Variants in USP16 observed in about 807,000 individuals in gnomAD.
USP16 encodes ubiquitin carboxyl-terminal hydrolase 16.
A neutral mutation model predicts 95.9 loss-of-function variants in USP16; 77 were observed. The ratio of observed to expected loss-of-function variants is 0.80; its 90% CI spans 0.67 to 0.97. USP16 has a LOEUF of 0.97. Among genes scored for constraint, USP16 ranks in the 50% least tolerant of loss-of-function variants. The pLI is 0.00. For missense variants in USP16, 943 were observed against 959.9 expected (o/e 0.98, Z 0.23); for synonymous variants, 303 against 318.2 (o/e 0.95, Z 0.51).
chr21:29,053,506 A>G (rs1288603922), intron 16 of USP16: 1 of 284,200 alleles, frequency 3.5e-6, no homozygotes, highest in Non-Finnish European at 6.6e-6. Flanking sequence ...AATTATCCTC[A>G]GGCTCCTAAA....
chr21:29,041,694 A>C (rs1353770441), intron 10 of USP16, among the ~76,000 whole-genome samples: 1 of 152,154 alleles, frequency 6.6e-6, no homozygotes, highest in African/African-American at 2.4e-5. Flanking sequence ...TTCATTTTAT[A>C]CTAATGGAGA....
In USP16 at chr21:29,053,876, G is replaced by A. The variant is rs749015487; in HGVS notation, c.2268G>A (p.Ser756=). ...GVVEHSGTMR[S]GHYTAYAKAR... ...TTGAACACAGTGGTACTATGAGGTC[G>A]GGGCATTACACTGCCTATGCCAAGG... The change falls in exon 17 of 18, where the codon TCG becomes TCA. Residue 756 remains serine (S), a synonymous_variant. Coordinates refer to ENST00000399976, the MANE Select transcript of USP16 (RefSeq NM_006447.3). The A allele has an allele frequency of 6.2e-6, 10 of 1,614,020 alleles. No homozygotes were observed. The highest frequency in any genetic ancestry group is 7.6e-6 in the Non-Finnish European group (9 of 1,180,026).
intron 6 of USP16, 22 bp from the exon 7 acceptor site, chr21:29,038,313 T>A (rs750088290): frequency 6.5e-7 from 1 of 1,542,030 alleles, no homozygotes; most frequent in Middle Eastern, 1.7e-4. Flanking sequence ...TTTTTCTCTT[T>A]TTTTTTCACC....
At chr21:29,026,411 G>A (rs1278470475) in intron 1 of USP16, among the ~76,000 whole-genome samples, 1 of 148,428 alleles carries the variant, frequency 6.7e-6, no homozygotes, top group South Asian at 2.1e-4. Context: ...AGCCGAGATC[G>A]GGCCACTGCA....
At position 29,035,014 on chromosome 21, in the gene USP16, T is replaced by G. The variant is rs62222370; in HGVS notation, c.344+74T>G. 54,114 of 1,415,102 alleles carry G rather than the reference T, an allele frequency of 0.038. 1,194 individuals carry two copies. The highest frequency in any genetic ancestry group is 0.087 in the Middle Eastern group (475 of 5,476). 87.7% of individuals were successfully genotyped at this position (1,415,102 alleles called of 1,614,324 possible). A position where few individuals can be genotyped will look rare whatever the true frequency, so the allele number is the denominator to read the frequency against. On this transcript the variant is annotated intron_variant, in intron 4 of 17. Coordinates refer to ENST00000399976, the MANE Select transcript of USP16 (RefSeq NM_006447.3). ...AGAGAATGGAAATGTTTAAATATGT[T>G]TAAGAAGAAAGCAATTTAAAATTTT...
At position 29,045,578 on chromosome 21, in the gene USP16, C is replaced by T. The variant is rs76722839; in HGVS notation, c.1357-1089C>T. Among the ~76,000 whole-genome samples the T allele has an allele frequency of 7.3e-3, 1,089 of 148,972 alleles. 12 individuals carry two copies. Among genetic ancestry groups the T allele is most frequent in the African/African-American group, 0.025 (1,028 of 40,522 alleles). ...TCTTTCAGTTTGTTTTTTTTTTTCT[C>T]TCAGTGAAACCTTGACCCAGTAACT... On this transcript the variant is annotated intron_variant, in intron 13 of 17. Coordinates refer to ENST00000399976, the MANE Select transcript of USP16 (RefSeq NM_006447.3).
intron 13 of USP16, among the ~76,000 whole-genome samples, chr21:29,045,918 G>C (rs1246541824): frequency 6.6e-6 from 1 of 152,050 alleles, no homozygotes; most frequent in African/African-American, 2.4e-5. Flanking sequence ...CTATTTTCCT[G>C]CCTCAGCCTC....
intron 10 of USP16, among the ~76,000 whole-genome samples, chr21:29,041,766 T>C (rs956031548): frequency 6.6e-6 from 1 of 152,180 alleles, no homozygotes; most frequent in East Asian, 1.9e-4. Context: ...GACTAGATCT[T>C]GGATAAGGAC....
chr21:29,029,440 C>T (rs2085046579), intron 2 of USP16, among the ~76,000 whole-genome samples: 1 of 152,076 alleles, frequency 6.6e-6, no homozygotes, highest in African/African-American at 2.4e-5. Flanking sequence ...AAAAGGGTAC[C>T]TTCTTTTTCT....
At chr21:29,036,450 C>A in intron 5 of USP16, 76 bp downstream of exon 5, 1 of 1,314,136 alleles carries the variant, frequency 7.6e-7, no homozygotes, top group Non-Finnish European at 1.1e-6. Context: ...TGTTATACTA[C>A]CTAGCATTAC....
chr21:29,039,565 C>G lies in USP16; in HGVS notation c.948C>G (p.His316Gln). 1 of 1,612,172 alleles carries G rather than the reference C, an allele frequency of 6.2e-7. No individual in the cohort carries two copies. Among genetic ancestry groups the G allele is most frequent in the African/African-American group, 1.3e-5 (1 of 74,988 alleles). The change falls in exon 9 of 18, where the codon CAC (histidine) becomes CAG (glutamine). Residue 316 changes from histidine (H) to glutamine (Q), a missense_variant. Transcript: ENST00000399976. Reference protein sequence around the residue: ...YLLDGMRAEEHQRVSKGILKA... With the variant: ...YLLDGMRAEEQQRVSKGILKA... ...TGGATGGGATGAGAGCAGAAGAACA[C>G]CAAGTTAGCATGTTATGACCATTGT...
chr21:29,037,579 CTTTTTTT>C (rs71189336), intron 6 of USP16, 116 bp downstream of exon 6: 381 of 184,004 alleles, frequency 2.1e-3, no homozygotes, highest in South Asian at 3.2e-3. Context: ...CCAAAGAAAA[CTTTTTTT>C]TTTTTTTTTT....
chr21:29,048,781 A>G lies in USP16; in HGVS notation c.2032A>G (p.Thr678Ala). The G allele has an allele frequency of 6.2e-7, 1 of 1,613,846 alleles. No individual in the cohort carries two copies. Among genetic ancestry groups the G allele is most frequent in the Non-Finnish European group, 8.5e-7 (1 of 1,179,912 alleles). Residue 678 changes from threonine (T) to alanine (A), a missense_variant, in exon 15 of 18, where the codon ACC (threonine) becomes GCC (alanine). By Grantham distance (58) the Thr-to-Ala change is moderately conservative. Coordinates refer to ENST00000399976, the MANE Select transcript of USP16 (RefSeq NM_006447.3). The part of the protein sequence containing the change: ...NIKGERKHVY[T>A]NAKKQMLISL... ...TTTAGGTGAAAGGAAGCATGTTTAC[A>G]CCAATGCCAAAAAGCAGATGCTAAT...
Position 29,039,499 on chromosome 21 carries a change from C to T in USP16, c.882C>T (p.Gly294=). ...QVCKKAVRFK[G]YQQQDSQELL... is the part of the protein sequence containing the mutation. Reference sequence around the variant, plus strand: ...TCTCTAGAGCAGTGCGGTTTAAAGGCTATCAGCAGCAAGACAGCCAGGAGC... The same window carrying T: ...TCTCTAGAGCAGTGCGGTTTAAAGGTTATCAGCAGCAAGACAGCCAGGAGC... The change falls in exon 9 of 18, where the codon GGC becomes GGT. Residue 294 remains glycine, a synonymous_variant. Coordinates refer to ENST00000399976, the MANE Select transcript of USP16 (RefSeq NM_006447.3). The T allele has an allele frequency of 6.2e-7, 1 of 1,613,210 alleles. No homozygotes were observed. The highest frequency in any genetic ancestry group is 1.1e-5 in the South Asian group (1 of 91,058).
At chr21:29,041,973 A>C (rs760860379) in intron 10 of USP16, 40 bp from the exon 11 acceptor site, 2 of 1,523,724 alleles carry the variant, frequency 1.3e-6, no homozygotes, top group South Asian at 2.3e-5. Flanking sequence ...TTAATTATAT[A>C]ACGGTAATTG....
intron 1 of USP16, among the ~76,000 whole-genome samples, chr21:29,026,329 G>A (rs1274813539): frequency 2.0e-5 from 3 of 151,824 alleles, no homozygotes; most frequent in African/African-American, 7.3e-5. Context: ...GGTGGTGGGC[G>A]TCTGTAATCC....
chr21:29,046,620 GCT>G (rs2085326736), intron 13 of USP16, 45 bp from the exon 14 acceptor site: 3 of 1,529,604 alleles, frequency 2.0e-6, no homozygotes, highest in Non-Finnish European at 2.6e-6. Context: ...CTTTTCTCCC[GCT>G]CTTTCTTTTT....
intron 1 of USP16, among the ~76,000 whole-genome samples, chr21:29,027,543 G>A (rs1301337853): frequency 1.3e-5 from 2 of 152,238 alleles, no homozygotes; most frequent in African/African-American, 2.4e-5. Flanking sequence ...TCACATGTAT[G>A]TAGTGAGGAG....
At chr21:29,032,327 G>A (rs1269222669) in intron 3 of USP16, among the ~76,000 whole-genome samples, 1 of 151,960 alleles carries the variant, frequency 6.6e-6, no homozygotes, top group East Asian at 1.9e-4. Flanking sequence ...CACCTCCCAG[G>A]CTCAAGTGAT....
Sources: allele counts gnomAD v4.1 joint callset (sites outside exome capture counted in the v4.1 genomes callset), GRCh38; gene constraint gnomAD v4.1.1; transcripts MANE v1.5; gene names NCBI Gene and HGNC (gene_info 2026-07-23, HGNC 2026-07-21).